ABCE1: variants seen among roughly 807,000 people sequenced by gnomAD.
ABCE1 encodes the protein ATP binding cassette subfamily E member 1, also known as ATP-binding cassette sub-family E member 1.
Under a neutral mutation model 83.4 loss-of-function variants are expected in ABCE1, and 22 were observed. The ratio of observed to expected loss-of-function variants is 0.26; its 90% CI spans 0.19 to 0.38. The LOEUF is 0.38. Ranked by LOEUF, ABCE1 falls within the 10% of genes least tolerant of loss-of-function variation. The probability of loss-of-function intolerance (pLI) is 1.00; values close to 1 mark genes in which losing one functional copy is unlikely to be tolerated. For synonymous variants in ABCE1, 204 were observed against 233.7 expected (o/e 0.87, Z 1.16); for missense variants, 330 against 721.9 (o/e 0.46, Z 6.22).
At chr4:145,113,231 C>T (rs151199001) in intron 9 of ABCE1, among the ~76,000 whole-genome samples, 2 of 152,322 alleles carry the variant, frequency 1.3e-5, no homozygotes, top group African/African-American at 4.8e-5. Flanking sequence ...GGACTGCTTT[C>T]TCACTGAAAG....
At chr4:145,110,003 G>A (rs887980231) in intron 5 of ABCE1, 100 bp from the exon 6 acceptor site, 8 of 1,084,706 alleles carry the variant, frequency 7.4e-6, no homozygotes, top group Non-Finnish European at 1.0e-5. Context: ...AAAGCCACAA[G>A]TGTTCTATTT....
rs1460761981 is a variant in ABCE1 at position 145,120,036 on chromosome 4, A to G, written c.1027A>G (p.Lys343Glu). Residue 343 changes from lysine (K) to glutamate (E), a missense_variant, in exon 11 of 18, where the codon AAA (lysine) becomes GAA (glutamate). By Grantham distance (56) the Lys-to-Glu change is moderately conservative. Coordinates refer to ENST00000296577, the MANE Select transcript of ABCE1 (RefSeq NM_002940.3). ...VAETANEEEV[K>E]KMCMYKYPGM... ...TGAGACAGCAAATGAAGAAGAAGTT[A>G]AAAAGATGTGTATGTATAAATATCC... The G allele has an allele frequency of 6.2e-7, 1 of 1,612,468 alleles. No individual in the cohort carries two copies. Among genetic ancestry groups the G allele is most frequent in the Non-Finnish European group, 8.5e-7 (1 of 1,179,160 alleles).
intron 14 of ABCE1, 28 bp downstream of exon 14, chr4:145,123,159 T>C (rs748128538): frequency 1.3e-6 from 2 of 1,581,992 alleles, no homozygotes; most frequent in South Asian, 2.4e-5. Context: ...TTTTTATTTT[T>C]TTATTATTTT....
At chr4:145,106,320 A>C (rs1329298111) in intron 3 of ABCE1, among the ~76,000 whole-genome samples, 1 of 152,030 alleles carries the variant, frequency 6.6e-6, no homozygotes, top group Non-Finnish European at 1.5e-5. Context: ...CTATTGTTCA[A>C]ATAAATCGTG....
intron 1 of ABCE1, among the ~76,000 whole-genome samples, chr4:145,101,175 G>A (rs1560955479): frequency 6.6e-6 from 1 of 152,146 alleles, no homozygotes; most frequent in Non-Finnish European, 1.5e-5. Context: ...TTTCGGTAGT[G>A]TATATTGTGG....
At chr4:145,125,814 C>A (rs1031118195) in intron 17 of ABCE1, among the ~76,000 whole-genome samples, 6 of 152,082 alleles carry the variant, frequency 3.9e-5, no homozygotes, top group Non-Finnish European at 7.4e-5. Flanking sequence ...CCTGTAATCC[C>A]AGAACTTTGG....
At chr4:145,102,903 G>A (rs1399231447) in intron 1 of ABCE1, among the ~76,000 whole-genome samples, 1 of 152,164 alleles carries the variant, frequency 6.6e-6, no homozygotes, top group Non-Finnish European at 1.5e-5. Context: ...AAAATGAATG[G>A]CTGTGGTAAG....
intron 2 of ABCE1, 69 bp downstream of exon 2, chr4:145,104,584 CT>C: frequency 9.8e-7 from 1 of 1,015,640 alleles, no homozygotes; most frequent in Non-Finnish European, 1.4e-6. Context: ...TTTGATAATT[CT>C]TTACGGACAT....
intron 10 of ABCE1, 33 bp downstream of exon 10, chr4:145,117,447 A>C: frequency 3.1e-6 from 5 of 1,601,478 alleles, no homozygotes; most frequent in Non-Finnish European, 4.3e-6. Flanking sequence ...CATATGCTGT[A>C]TTCTCTTCTA....
At position 145,125,303 on chromosome 4, in the gene ABCE1, A is replaced by T. The variant is rs372362441; in HGVS notation, c.1752+202A>T. 2.0e-5 allele frequency among the ~76,000 whole-genome samples: 3 copies of T among 152,110 alleles called. No homozygotes were observed. The East Asian group carries it at 5.8e-4, about 29-fold the overall frequency. On this transcript the variant is annotated intron_variant, in intron 17 of 17. Coordinates refer to ENST00000296577, the MANE Select transcript of ABCE1 (RefSeq NM_002940.3). ...GCCAACATGGTGCAACCCCATCTCTACTAAAAATGCAAAAATTAGCCGAGT... is the reference window on the plus strand; with the variant it reads ...GCCAACATGGTGCAACCCCATCTCTTCTAAAAATGCAAAAATTAGCCGAGT...
In ABCE1 at chr4:145,112,320, T is replaced by C; in HGVS notation, c.792T>C (p.Asn264=). 6.4e-7 allele frequency: 1 copy of C among 1,573,012 alleles called. No individual in the cohort carries two copies. The highest frequency in any genetic ancestry group is 8.6e-7 in the Non-Finnish European group (1 of 1,157,674). ...KAAITIRSLI[N]PDRYIIVVEH... The stretch of plus-strand genomic sequence containing the variant: ...CTATTACTATACGATCTCTAATAAA[T>C]CCAGATAGGTAAGTAGAGATCTGGC... Residue 264 remains asparagine (N), a synonymous_variant, in exon 9 of 18, where the codon AAT becomes AAC. Transcript: ENST00000296577.
Position 145,127,578 on chromosome 4 carries a change from ACT to A in ABCE1, c.*8_*9del, listed in dbSNP as rs775924412. On this transcript the variant is annotated 3_prime_UTR_variant, in exon 18 of 18. Coordinates refer to ENST00000296577, the MANE Select transcript of ABCE1 (RefSeq NM_002940.3). The stretch of plus-strand genomic sequence containing the variant: ...TACTTTTTCTTGGATGATTAGACTG[ACT>A]CTGAGAATATTGATAAGCCATTTAT... The A allele has an allele frequency of 9.0e-6, 14 of 1,553,988 alleles. No homozygotes were observed. Among genetic ancestry groups the A allele is most frequent in the African/African-American group, 1.4e-5 (1 of 70,654 alleles).
At chr4:145,108,611 G>A (rs1579212027) in intron 4 of ABCE1, among the ~76,000 whole-genome samples, 1 of 152,086 alleles carries the variant, frequency 6.6e-6, no homozygotes, top group Admixed American at 6.5e-5. Context: ...TTGAATCTAG[G>A]AGTCTAGATT....
Position 145,123,369 on chromosome 4 carries a change from G to C in ABCE1, c.1517+12G>C, listed in dbSNP as rs1321455830. ...CGAGTTGTCAAACGGTAAATATCTT[G>C]CTCCTAGCCATATTTTGATTATGTA... is the stretch of plus-strand genomic sequence containing the variant. On this transcript the variant is annotated intron_variant, in intron 15 of 17. Coordinates refer to ENST00000296577, the MANE Select transcript of ABCE1 (RefSeq NM_002940.3). 1 of 1,597,604 alleles carries C rather than the reference G, an allele frequency of 6.3e-7. No individual in the cohort carries two copies. The highest frequency in any genetic ancestry group is 8.5e-7 in the Non-Finnish European group (1 of 1,170,202).
chr4:145,099,168 T>C (rs1018664146), intron 1 of ABCE1, among the ~76,000 whole-genome samples: 3 of 152,232 alleles, frequency 2.0e-5, no homozygotes, highest in African/African-American at 7.2e-5. Context: ...TCTTCAGGGC[T>C]TCGTACATTG....
intron 3 of ABCE1, 78 bp downstream of exon 3, chr4:145,105,768 C>T (rs1749286625): frequency 1.0e-6 from 1 of 993,860 alleles, no homozygotes; most frequent in South Asian, 1.6e-5. Flanking sequence ...TATGCTATAA[C>T]TACTTTAAGT....
chr4:145,110,401 A>G lies in ABCE1; in HGVS notation c.570A>G (p.Arg190=), dbSNP rs770516086. ...AKGTVGSILD[R]KDETKTQAIV... is the part of the protein sequence containing the mutation. Reference sequence around the variant, plus strand: ...GGACAGTGGGATCTATTTTGGACCGAAAAGATGAAACAAAGACACAGGCAA... The same window carrying G: ...GGACAGTGGGATCTATTTTGGACCGGAAAGATGAAACAAAGACACAGGCAA... The change falls in exon 7 of 18, where the codon CGA becomes CGG. Residue 190 remains arginine, a synonymous_variant. Coordinates refer to ENST00000296577, the MANE Select transcript of ABCE1 (RefSeq NM_002940.3). 1.9e-6 allele frequency: 3 copies of G among 1,612,212 alleles called. No individual in the cohort carries two copies. The highest frequency in any genetic ancestry group is 2.5e-6 in the Non-Finnish European group (3 of 1,179,966).
Position 145,119,921 on chromosome 4 carries a change from C to T in ABCE1, c.923-11C>T, listed in dbSNP as rs1429576928. 1.2e-6 allele frequency: 2 copies of T among 1,603,454 alleles called. No individual in the cohort carries two copies. Among genetic ancestry groups the T allele is most frequent in the Admixed American group, 3.4e-5 (2 of 59,218 alleles). On this transcript the variant is annotated splice_polypyrimidine_tract_variant and intron_variant, in intron 10 of 17. Coordinates refer to ENST00000296577, the MANE Select transcript of ABCE1 (RefSeq NM_002940.3). ...ATGATTTCTCCCGGTTGACAATTTT[C>T]TTCCCAACAGGCATAAACATTTTTT...
rs762647087 is a variant in ABCE1, at chr4:145,124,222, T to G, written c.1640+622T>G. 2.6e-5 allele frequency among the ~76,000 whole-genome samples: 4 copies of G among 152,370 alleles called. No homozygotes were observed. In the East Asian group the frequency reaches 7.7e-4, roughly 29 times the overall value. On this transcript the variant is annotated intron_variant, in intron 16 of 17. Transcript: ENST00000296577. Reference sequence around the variant, plus strand: ...AAATGAAATTACTGGTGTTCAGTTTTCACCTATAAAACCAGCAGTTTCATG... The same window carrying G: ...AAATGAAATTACTGGTGTTCAGTTTGCACCTATAAAACCAGCAGTTTCATG...
Sources: gnomAD v4.1 joint callset for allele counts (sites outside exome capture counted in the v4.1 genomes callset) on GRCh38, gnomAD v4.1.1 for gene constraint, MANE v1.5 for transcripts, NCBI Gene and HGNC (gene_info 2026-07-23, HGNC 2026-07-21) for gene names.